DHRSX: variants seen among roughly 807,000 people sequenced by gnomAD.
The protein encoded by DHRSX is dehydrogenase/reductase X-linked, also known as polyprenol dehydrogenase.
A neutral mutation model predicts 34.0 loss-of-function variants in DHRSX; 31 were observed. The observed-to-expected ratio is 0.91, with a 90% confidence interval of 0.69 to 1.23. The LOEUF (loss-of-function observed/expected upper bound fraction) is 1.23, where lower values mean the gene tolerates loss of function less well. Ranked by LOEUF, DHRSX falls within the 50% of genes most tolerant of loss-of-function variation. The probability of loss-of-function intolerance (pLI) is 0.00; values close to 1 mark genes in which losing one functional copy is unlikely to be tolerated. For synonymous variants in DHRSX, 201 were observed against 183.8 expected (o/e 1.09, Z -0.76); for missense variants, 414 against 428.1 (o/e 0.97, Z 0.29).
intron 3 of DHRSX, among the ~76,000 whole-genome samples, chrX:2,346,051 G>C (rs762554029): frequency 6.6e-6 from 1 of 152,292 alleles, no homozygotes; most frequent in South Asian, 2.1e-4. Flanking sequence ...TAAGAAATTA[G>C]TAAGTTTTAG....
intron 1 of DHRSX, among the ~76,000 whole-genome samples, chrX:2,497,502 G>A (rs966108949): frequency 2.0e-5 from 3 of 151,902 alleles, no homozygotes; most frequent in African/African-American, 7.3e-5. Context: ...TCCCTTTACA[G>A]GTTAAAAAAA....
intron 3 of DHRSX, among the ~76,000 whole-genome samples, chrX:2,300,154 T>G (rs1263315182): frequency 1.3e-5 from 2 of 152,228 alleles, no homozygotes; most frequent in Non-Finnish European, 1.5e-5. Context: ...TGTCTGAGGC[T>G]CTGGCAAACC....
chrX:2,243,120 T>C lies in DHRSX; in HGVS notation c.707A>G (p.Asn236Ser), dbSNP rs1228692946. 1 of 1,613,860 alleles carries C rather than the reference T, an allele frequency of 6.2e-7. No homozygotes were observed. Among genetic ancestry groups the C allele is most frequent in the South Asian group, 1.1e-5 (1 of 91,066 alleles). The part of the protein sequence containing the change: ...LAAEGSHVTA[N>S]VVDPGVVNTD... ...GTTGACCACCCCGGGGTCCACCACG[T>C]TGGCGGTCACGTGGCTTCCCTCAGC... The change falls in exon 6 of 7, where the codon AAC becomes AGC. Residue 236 changes from asparagine to serine, a missense_variant. Transcript: ENST00000334651.
At chrX:2,474,856 C>CA (rs1603142901) in intron 1 of DHRSX, among the ~76,000 whole-genome samples, 1 of 151,494 alleles carries the variant, frequency 6.6e-6, no homozygotes, top group Non-Finnish European at 1.5e-5. Context: ...GGACCGCCGC[C>CA]ATGTACACAC....
intron 6 of DHRSX, among the ~76,000 whole-genome samples, chrX:2,227,669 A>T (rs2015708450): frequency 1.2e-5 from 1 of 82,936 alleles, no homozygotes; most frequent in Non-Finnish European, 2.3e-5. Context: ...GAAGGAAAAG[A>T]GACAGAAAGA....
At chrX:2,240,566 G>A (rs2016117301) in intron 6 of DHRSX, among the ~76,000 whole-genome samples, 1 of 151,736 alleles carries the variant, frequency 6.6e-6, no homozygotes, top group African/African-American at 2.4e-5. Context: ...AAAGGGAAAA[G>A]CTGTCTAAAC....
chrX:2,397,932 A>ACACC (rs1177988917), intron 3 of DHRSX, among the ~76,000 whole-genome samples: 8 of 149,810 alleles, frequency 5.3e-5, no homozygotes, highest in African/African-American at 2.0e-4. Context: ...CAGAGCGCGC[A>ACACC]CACACACACA....
intron 6 of DHRSX, among the ~76,000 whole-genome samples, chrX:2,234,077 CCCTT>C (rs2015958864): frequency 6.6e-6 from 1 of 152,236 alleles, no homozygotes; most frequent in East Asian, 1.9e-4. Context: ...CTCGTCATCT[CCCTT>C]CTTTCTCTGC....
In DHRSX at chrX:2,382,748, C is replaced by CATT. The variant is rs1400053530; in HGVS notation, c.286+25996_286+25997insAAT. Among the ~76,000 whole-genome samples, 244 of 123,148 alleles carry CATT rather than the reference C, an allele frequency of 2.0e-3. 22 individuals carry two copies. The South Asian group carries it at 0.023, about 12-fold the overall frequency. The allele number at this position is 123,148 out of a possible 152,430, so 80.8% of individuals were successfully genotyped here. A position where few individuals can be genotyped will look rare whatever the true frequency, so the allele number is the denominator to read the frequency against. On this transcript the variant is annotated intron_variant, in intron 3 of 6. Coordinates refer to ENST00000334651, the MANE Select transcript of DHRSX (RefSeq NM_145177.3). ...TCATCACCATCATCATCGCCATCATCATCACTATCATCATCATCATCATCA... is the reference window on the plus strand; with the variant it reads ...TCATCACCATCATCATCGCCATCATCATTATCACTATCATCATCATCATCATCA...
chrX:2,357,955 T>C (rs1431425755), intron 3 of DHRSX, among the ~76,000 whole-genome samples: 2 of 152,142 alleles, frequency 1.3e-5, no homozygotes, highest in Non-Finnish European at 1.5e-5. Flanking sequence ...AAACATCCTC[T>C]CTACAAAACG....
intron 4 of DHRSX, among the ~76,000 whole-genome samples, chrX:2,285,547 T>C (rs1339538346): frequency 1.3e-5 from 2 of 151,616 alleles, no homozygotes; most frequent in Admixed American, 1.3e-4. Context: ...TAAATACAGA[T>C]GAAGCTTTGC....
chrX:2,344,035 G>A (rs2042671976), intron 3 of DHRSX, among the ~76,000 whole-genome samples: 1 of 152,238 alleles, frequency 6.6e-6, no homozygotes, highest in East Asian at 1.9e-4. Flanking sequence ...TGGGGCTTCT[G>A]TAAACTGAAA....
At chrX:2,249,879 T>C (rs1346880768) in intron 5 of DHRSX, among the ~76,000 whole-genome samples, 2 of 150,878 alleles carry the variant, frequency 1.3e-5, no homozygotes, top group Non-Finnish European at 3.0e-5. Flanking sequence ...AAAATAAACC[T>C]TGGGCCAGGC....
At chrX:2,384,497 A>G (rs1399282645) in intron 3 of DHRSX, among the ~76,000 whole-genome samples, 2 of 152,186 alleles carry the variant, frequency 1.3e-5, no homozygotes, top group Non-Finnish European at 2.9e-5. Flanking sequence ...ACAGGAGGGT[A>G]GGTCTTGGAG....
At chrX:2,249,191 C>CT (rs541852639) in intron 5 of DHRSX, among the ~76,000 whole-genome samples, 12,011 of 118,832 alleles carry the variant, frequency 0.1, 2,212 homozygotes, top group African/African-American at 0.35. Flanking sequence ...AATCATAAAT[C>CT]TTTTTTTTTT....
In DHRSX at chrX:2,225,118, ACACT is replaced by A. The variant is rs1001480286; in HGVS notation, c.805-3893_805-3890del. ...ATGCACACAGCTCACACACATGCAC[ACACT>A]CATTCACATGCACTCATTCACATGT... On this transcript the variant is annotated intron_variant, in intron 6 of 6. Transcript: ENST00000334651. Among the ~76,000 whole-genome samples the A allele has an allele frequency of 1.8e-3, 267 of 149,652 alleles. 2 individuals carry two copies. Among genetic ancestry groups the A allele is most frequent in the African/African-American group, 5.8e-3 (233 of 40,436 alleles).
At chrX:2,354,382 A>G (rs1361710238) in intron 3 of DHRSX, among the ~76,000 whole-genome samples, 2 of 152,208 alleles carry the variant, frequency 1.3e-5, no homozygotes, top group Non-Finnish European at 2.9e-5. Flanking sequence ...GGATTCCCTC[A>G]GCTTAGAGAG....
chrX:2,478,183 G>T (rs2044710342), intron 1 of DHRSX, among the ~76,000 whole-genome samples: 1 of 152,172 alleles, frequency 6.6e-6, no homozygotes, highest in Non-Finnish European at 1.5e-5. Context: ...GAGAAGGAAT[G>T]AATGCGGTCA....
chrX:2,488,840 T>G, intron 1 of DHRSX: 1 of 1,613,778 alleles, frequency 6.2e-7, no homozygotes, highest in Non-Finnish European at 8.5e-7. Flanking sequence ...GCTGACCACG[T>G]TGGCGGCGGA....
Sources: gnomAD v4.1 joint callset for allele counts (sites outside exome capture counted in the v4.1 genomes callset) on GRCh38, gnomAD v4.1.1 for gene constraint, MANE v1.5 for transcripts, NCBI Gene and HGNC (gene_info 2026-07-23, HGNC 2026-07-21) for gene names.